Variants in RPS6KC1 observed in about 807,000 individuals in gnomAD.
RPS6KC1 encodes ribosomal protein S6 kinase C1.
Under a neutral mutation model 103.8 loss-of-function variants are expected in RPS6KC1, and 54 were observed. The observed-to-expected ratio is 0.52, with a 90% CI of 0.42 to 0.65. The LOEUF (loss-of-function observed/expected upper bound fraction) is 0.65, where lower values mean the gene tolerates loss of function less well. Among genes scored for constraint, RPS6KC1 ranks in the 30% least tolerant of loss-of-function variants. RPS6KC1 has a pLI of 0.00. For synonymous variants in RPS6KC1, 439 were observed against 438.7 expected (o/e 1.00, Z -0.01); for missense variants, 1,151 against 1,253.8 (o/e 0.92, Z 1.24).
the RPS6KC1 span, among the ~76,000 whole-genome samples, chr1:213,497,517 A>G: frequency 6.6e-6 from 1 of 152,328 alleles, no homozygotes; most frequent in South Asian, 2.1e-4. Flanking sequence ...TCGATTACAT[A>G]TAATTTAGAA....
At chr1:213,749,362 C>G in the RPS6KC1 span, among the ~76,000 whole-genome samples, 1 of 152,070 alleles carries the variant, frequency 6.6e-6, no homozygotes. Context: ...TTGAATTAAT[C>G]CATAGAAAGT....
the RPS6KC1 span, among the ~76,000 whole-genome samples, chr1:213,369,189 T>C: frequency 6.6e-6 from 1 of 152,000 alleles, no homozygotes; most frequent in African/African-American, 2.4e-5. Context: ...AGGTATGGAG[T>C]AGGCAACTTC....
chr1:213,375,306 C>T, the RPS6KC1 span, among the ~76,000 whole-genome samples: 7 of 151,806 alleles, frequency 4.6e-5, no homozygotes, highest in Admixed American at 1.3e-4. Flanking sequence ...CACACATACA[C>T]ACATAGGCAT....
the RPS6KC1 span, among the ~76,000 whole-genome samples, chr1:213,451,957 A>G: frequency 6.6e-6 from 1 of 152,242 alleles, no homozygotes; most frequent in Non-Finnish European, 1.5e-5. Context: ...AGACTTCCAG[A>G]TGAACAAGTC....
chr1:213,775,329 A>T, the RPS6KC1 span, among the ~76,000 whole-genome samples: 1 of 152,152 alleles, frequency 6.6e-6, no homozygotes, highest in Non-Finnish European at 1.5e-5. Flanking sequence ...GGGCAGGGAG[A>T]TCACAAGTGA....
chr1:213,804,698 A>G, the RPS6KC1 span, among the ~76,000 whole-genome samples: 6 of 152,218 alleles, frequency 3.9e-5, no homozygotes, highest in Non-Finnish European at 7.3e-5. Flanking sequence ...TTTAAGGATA[A>G]GATCTTACTC....
chr1:213,651,347 A>G, the RPS6KC1 span, among the ~76,000 whole-genome samples: 3 of 152,312 alleles, frequency 2.0e-5, no homozygotes, highest in South Asian at 6.2e-4. Flanking sequence ...AGCCCCATGG[A>G]GAAGCTGGAG....
At chr1:213,481,650 A>C in the RPS6KC1 span, among the ~76,000 whole-genome samples, 2 of 152,098 alleles carry the variant, frequency 1.3e-5, no homozygotes, top group African/African-American at 4.8e-5. Context: ...TTTTTGAAAC[A>C]TGTTATTTTA....
At chr1:213,279,508 C>T (rs969266102), downstream of RPS6KC1, among the ~76,000 whole-genome samples, 3 of 152,220 alleles carry the variant, frequency 2.0e-5, no homozygotes, top group African/African-American at 7.2e-5. Flanking sequence ...GAGCTTAAAA[C>T]CCCTGGGTCC....
At chr1:213,520,905 A>C in the RPS6KC1 span, among the ~76,000 whole-genome samples, 15 of 152,242 alleles carry the variant, frequency 9.9e-5, no homozygotes, top group Admixed American at 3.9e-4. Flanking sequence ...GACACATAGT[A>C]AGAAAAACAT....
chr1:213,566,358 T>C, the RPS6KC1 span, among the ~76,000 whole-genome samples: 1 of 151,508 alleles, frequency 6.6e-6, no homozygotes, highest in African/African-American at 2.4e-5. Flanking sequence ...TTCACTGACA[T>C]GTATTTAGGT....
Position 213,051,332 on chromosome 1 carries a change from C to G in RPS6KC1, c.-73C>G, listed in dbSNP as rs2076923878. ...GCCGCTTCGCCGCTGCGTTGGGGAA[C>G]CTGGACCGCGGCGGCGCCGGGTTTC... On this transcript the variant is annotated 5_prime_UTR_variant, in exon 1 of 15. Transcript: ENST00000366960. 3 of 1,216,464 alleles carry G rather than the reference C, an allele frequency of 2.5e-6. No homozygotes were observed. Among genetic ancestry groups the G allele is most frequent in the East Asian group, 2.4e-5 (1 of 40,992 alleles). 75.4% of individuals were successfully genotyped at this position (1,216,464 alleles called of 1,614,324 possible).
chr1:213,345,395 G>A, the RPS6KC1 span, among the ~76,000 whole-genome samples: 1 of 152,086 alleles, frequency 6.6e-6, no homozygotes, highest in African/African-American at 2.4e-5. Flanking sequence ...TGTCTTTATC[G>A]TTTGCTTTTT....
the RPS6KC1 span, among the ~76,000 whole-genome samples, chr1:213,493,461 G>A: frequency 2.0e-5 from 3 of 152,132 alleles, no homozygotes; most frequent in African/African-American, 7.2e-5. Flanking sequence ...ACAACTAACG[G>A]CCAACGTTTG....
intron 10 of RPS6KC1, among the ~76,000 whole-genome samples, chr1:213,239,753 T>C (rs2094308854): frequency 6.6e-6 from 1 of 152,214 alleles, no homozygotes; most frequent in Admixed American, 6.5e-5. Flanking sequence ...AGTATACTTC[T>C]GTAGTTACTG....
chr1:213,559,096 A>C, the RPS6KC1 span, among the ~76,000 whole-genome samples: 1 of 152,238 alleles, frequency 6.6e-6, no homozygotes, highest in Non-Finnish European at 1.5e-5. Flanking sequence ...TTGATATAGA[A>C]AGCAAAACCA....
the RPS6KC1 span, among the ~76,000 whole-genome samples, chr1:213,529,694 C>T: frequency 2.0e-5 from 3 of 152,308 alleles, no homozygotes; most frequent in East Asian, 3.9e-4. Context: ...AGTGGAGTTG[C>T]TAGGCTCTGG....
At chr1:213,379,258 A>T in the RPS6KC1 span, among the ~76,000 whole-genome samples, 2 of 152,160 alleles carry the variant, frequency 1.3e-5, no homozygotes, top group Admixed American at 1.3e-4. Flanking sequence ...CTTTAATGTG[A>T]CCTTATTTGG....
the RPS6KC1 span, among the ~76,000 whole-genome samples, chr1:213,415,253 C>A: frequency 6.6e-6 from 1 of 152,326 alleles, no homozygotes; most frequent in South Asian, 2.1e-4. Context: ...CAATTCATAC[C>A]AACTTAATCA....
Sources: allele counts gnomAD v4.1 joint callset (sites outside exome capture counted in the v4.1 genomes callset), GRCh38; gene constraint gnomAD v4.1.1; transcripts MANE v1.5; gene names NCBI Gene and HGNC (gene_info 2026-07-23, HGNC 2026-07-21).